Variants in FKBP1B observed in about 807,000 individuals in gnomAD.
The protein encoded by FKBP1B is peptidyl-prolyl cis-trans isomerase FKBP1B.
Under a neutral mutation model 13.5 loss-of-function variants are expected in FKBP1B, and 4 were observed. The ratio of observed to expected loss-of-function variants is 0.30; its 90% confidence interval spans 0.15 to 0.68. The LOEUF (loss-of-function observed/expected upper bound fraction) is 0.68. Ranked by LOEUF, FKBP1B falls within the 30% of genes least tolerant of loss-of-function variation. The pLI, the probability that FKBP1B is intolerant of heterozygous loss-of-function variation, is 0.76. For synonymous variants in FKBP1B, 54 were observed against 53.6 expected (o/e 1.01, Z -0.03); for missense variants, 93 against 136.2 (o/e 0.68, Z 1.58).
intron 3 of FKBP1B, among the ~76,000 whole-genome samples, chr2:24,061,619 T>C (rs1664398623): frequency 6.6e-6 from 1 of 152,238 alleles, no homozygotes; most frequent in Admixed American, 6.5e-5. Context: ...AGAGTTCTTC[T>C]ATATTCTATC....
chr2:24,042,696 T>G, the FKBP1B span, among the ~76,000 whole-genome samples: 1 of 142,050 alleles, frequency 7.0e-6, no homozygotes, highest in African/African-American at 2.7e-5. Flanking sequence ...GCAACAAGAG[T>G]GAAACTCTGT....
At position 24,063,300 on chromosome 2, in the gene FKBP1B, C is replaced by A. The variant is rs1326712187; in HGVS notation, c.*108C>A. The A allele has an allele frequency of 3.6e-5, 37 of 1,021,938 alleles. No individual in the cohort carries two copies. The highest frequency in any genetic ancestry group is 4.8e-5 in the Non-Finnish European group (35 of 727,464). The allele number at this position is 1,021,938 out of a possible 1,614,324, so 63.3% of individuals were successfully genotyped here. On this transcript the variant is annotated 3_prime_UTR_variant, in exon 4 of 4. Coordinates refer to ENST00000380986, the MANE Select transcript of FKBP1B (RefSeq NM_004116.5). ...TTGGGGCTCTTGATCAGTGTGCTAA[C>A]CTCACTGCCTCATGGCATCATCCAT...
upstream of FKBP1B, among the ~76,000 whole-genome samples, chr2:24,044,988 C>T (rs950125280): frequency 6.6e-6 from 1 of 152,128 alleles, no homozygotes; most frequent in African/African-American, 2.4e-5. Flanking sequence ...AGTTTATTCT[C>T]TGATCATAAA....
At chr2:24,040,970 C>G in the FKBP1B span, among the ~76,000 whole-genome samples, 1 of 151,572 alleles carries the variant, frequency 6.6e-6, no homozygotes, top group African/African-American at 2.4e-5. Flanking sequence ...GAGCTGAGAT[C>G]GTGCCATTGC....
rs1376867237 is a variant in FKBP1B, at chr2:24,050,671, T to A, written c.37+785T>A. ...GTCCTTGTATTACTGGGTCTGGGTG[T>A]GCAAGGAATAGCCATTTCTTTATTT... On this transcript the variant is annotated intron_variant, in intron 1 of 3. Transcript: ENST00000380986. The surrounding 1 kb of genome is among the most constrained non-coding windows in gnomAD (Gnocchi z 5.8). Among the ~76,000 whole-genome samples the A allele has an allele frequency of 6.6e-6, 1 of 152,244 alleles. No homozygotes were observed. Among genetic ancestry groups the A allele is most frequent in the Non-Finnish European group, 1.5e-5 (1 of 68,040 alleles).
the FKBP1B span, chr2:24,037,607 C>T: frequency 4.9e-6 from 7 of 1,433,164 alleles, no homozygotes; most frequent in African/African-American, 1.4e-5. Flanking sequence ...CTCATCAATA[C>T]GTTTCTTGCA....
chr2:24,047,539 G>T (rs1215962056), upstream of FKBP1B, among the ~76,000 whole-genome samples: 1 of 152,088 alleles, frequency 6.6e-6, no homozygotes, highest in Non-Finnish European at 1.5e-5. Flanking sequence ...TTAGCAGAGG[G>T]TTCGTCCCAC....
At chr2:24,062,795 AT>A (rs1360944343) in intron 3 of FKBP1B, among the ~76,000 whole-genome samples, 1 of 152,224 alleles carries the variant, frequency 6.6e-6, no homozygotes, top group Non-Finnish European at 1.5e-5. Flanking sequence ...TCATACACAA[AT>A]TGAATAACCA....
chr2:24,052,793 C>G (rs1663939686), intron 1 of FKBP1B, among the ~76,000 whole-genome samples: 1 of 151,902 alleles, frequency 6.6e-6, no homozygotes, highest in East Asian at 1.9e-4. Flanking sequence ...ATGTTAAGAC[C>G]CTGTCTCTAC....
upstream of FKBP1B, among the ~76,000 whole-genome samples, chr2:24,046,268 A>C (rs532486452): frequency 6.6e-6 from 1 of 152,354 alleles, no homozygotes; most frequent in South Asian, 2.1e-4. Flanking sequence ...GTTAATCATT[A>C]AAGTCAAGGT....
chr2:24,039,043 G>C, the FKBP1B span: 3 of 1,614,004 alleles, frequency 1.9e-6, no homozygotes, highest in South Asian at 3.3e-5. Context: ...GTTGATGTCT[G>C]CCTTTACCTG....
At chr2:24,060,525 C>G (rs1408551768) in intron 2 of FKBP1B, among the ~76,000 whole-genome samples, 1 of 152,006 alleles carries the variant, frequency 6.6e-6, no homozygotes, top group Non-Finnish European at 1.5e-5. Context: ...GCACTCCAGC[C>G]TGGGTGACAA....
chr2:24,047,641 C>T (rs1462993940), upstream of FKBP1B, among the ~76,000 whole-genome samples: 2 of 152,240 alleles, frequency 1.3e-5, no homozygotes, highest in South Asian at 2.1e-4. Context: ...TTTTCCCTCC[C>T]TTAAGCACTT....
chr2:24,038,263 G>GT, the FKBP1B span: 19 of 1,614,138 alleles, frequency 1.2e-5, no homozygotes, highest in South Asian at 2.1e-4. Context: ...AAGAAATGTT[G>GT]TATCAGTGAG....
At position 24,063,396 on chromosome 2, in the gene FKBP1B, T is replaced by C; in HGVS notation, c.*204T>C. 1 of 521,120 alleles carries C rather than the reference T, an allele frequency of 1.9e-6. No individual in the cohort carries two copies. Among genetic ancestry groups the C allele is most frequent in the Non-Finnish European group, 3.3e-6 (1 of 303,958 alleles). 32.3% of individuals were successfully genotyped at this position (521,120 alleles called of 1,614,324 possible). A position where few individuals can be genotyped will look rare whatever the true frequency, so the allele number is the denominator to read the frequency against. On this transcript the variant is annotated 3_prime_UTR_variant, in exon 4 of 4. Transcript: ENST00000380986. ...GAATTCTTGCTTGAGGAAACTTCGG[T>C]TGCAGATTGAAGCATTTCAGGTTGT... is the stretch of plus-strand genomic sequence containing the variant.
the FKBP1B span, chr2:24,038,733 A>G: frequency 6.2e-7 from 1 of 1,614,242 alleles, no homozygotes; most frequent in Non-Finnish European, 8.5e-7. Context: ...GTACTTCACC[A>G]ATAACTGGTA....
At chr2:24,047,846 C>T (rs1242476943), upstream of FKBP1B, among the ~76,000 whole-genome samples, 1 of 152,246 alleles carries the variant, frequency 6.6e-6, no homozygotes, top group Non-Finnish European at 1.5e-5. Flanking sequence ...TGTTCTACCC[C>T]GACCCTAAGC....
In FKBP1B at chr2:24,050,416, T is replaced by C. The variant is rs923974078; in HGVS notation, c.37+530T>C. Among the ~76,000 whole-genome samples the C allele has an allele frequency of 4.6e-5, 7 of 152,160 alleles. No individual in the cohort carries two copies. Among genetic ancestry groups the C allele is most frequent in the Non-Finnish European group, 1.0e-4 (7 of 68,010 alleles). ...AAGGGGGAAGCGCTCCCTTGCCCGCTTCCGGATCTCGCTTTATCCTGCCGC... is the reference window on the plus strand; with the variant it reads ...AAGGGGGAAGCGCTCCCTTGCCCGCCTCCGGATCTCGCTTTATCCTGCCGC... On this transcript the variant is annotated intron_variant, in intron 1 of 3. Coordinates refer to ENST00000380986, the MANE Select transcript of FKBP1B (RefSeq NM_004116.5). The surrounding 1 kb of genome is among the most constrained non-coding windows in gnomAD (Gnocchi z 5.8).
chr2:24,035,251 T>C, the FKBP1B span, among the ~76,000 whole-genome samples: 3 of 151,796 alleles, frequency 2.0e-5, no homozygotes, highest in African/African-American at 4.8e-5. Flanking sequence ...CTCTGTGTGC[T>C]GATATAAAGA....
Sources: allele counts gnomAD v4.1 joint callset (sites outside exome capture counted in the v4.1 genomes callset), GRCh38; gene constraint gnomAD v4.1.1; non-coding constraint Gnocchi (gnomAD v3.1); transcripts MANE v1.5; gene names NCBI Gene and HGNC (gene_info 2026-07-23, HGNC 2026-07-21).